Variants in BANP observed in about 807,000 individuals in gnomAD.
BANP encodes BTG3 associated nuclear protein, also known as protein BANP.
In BANP, 11 loss-of-function variants were observed where a neutral mutation model predicts 68.1. That is an observed-to-expected ratio of 0.16 (90% CI 0.10 to 0.27). The LOEUF is 0.27. Among genes scored for constraint, BANP ranks in the 10% least tolerant of loss-of-function variants. The pLI, the probability that BANP is intolerant of heterozygous loss-of-function variation, is 1.00. For missense variants in BANP, 504 were observed against 722.7 expected, an observed-to-expected ratio of 0.70 and a Z score of 3.47; for synonymous variants, 329 against 303.2, an observed-to-expected ratio of 1.09 and a Z score of -0.88.
At chr16:88,048,674 A>G (rs903361374) in intron 11 of BANP, among the ~76,000 whole-genome samples, 2 of 152,090 alleles carry the variant, frequency 1.3e-5, no homozygotes, top group South Asian at 2.1e-4. Context: ...TTGGTATTGA[A>G]TCGGCGCTCA....
At chr16:88,073,664 C>T (rs1295794721) in intron 13 of BANP, among the ~76,000 whole-genome samples, 2 of 152,274 alleles carry the variant, frequency 1.3e-5, no homozygotes, top group South Asian at 4.1e-4. Flanking sequence ...CAGCCCCTGC[C>T]GAGGACGCGT....
intron 7 of BANP, among the ~76,000 whole-genome samples, chr16:88,025,643 A>G (rs907081651): frequency 3.3e-5 from 5 of 152,208 alleles, no homozygotes; most frequent in African/African-American, 1.2e-4. Flanking sequence ...TCAAGTATCT[A>G]CTGATAAGAA....
At chr16:88,038,600 C>G (rs1233727115) in intron 11 of BANP, among the ~76,000 whole-genome samples, 1 of 152,132 alleles carries the variant, frequency 6.6e-6, no homozygotes, top group Non-Finnish European at 1.5e-5. Context: ...GTCAAACTCA[C>G]AAACTTGCCA....
At chr16:88,072,716 G>A (rs965121499) in intron 13 of BANP, among the ~76,000 whole-genome samples, 4 of 152,244 alleles carry the variant, frequency 2.6e-5, no homozygotes, top group East Asian at 1.9e-4. Flanking sequence ...AGAAGCCCCC[G>A]AGGGTGAGGC....
chr16:88,002,295 ATC>A lies in BANP; in HGVS notation c.363-1996_363-1995del, dbSNP rs1255967815. 3.3e-5 allele frequency among the ~76,000 whole-genome samples: 5 copies of A among 151,582 alleles called. No homozygotes were observed. The highest frequency in any genetic ancestry group is 1.2e-4 in the African/African-American group (5 of 41,240). On this transcript the variant is annotated intron_variant, in intron 4 of 13. Transcript: ENST00000682872. The surrounding 1 kb of genome is among the most constrained non-coding windows in gnomAD (Gnocchi z 4.6). ...CTGTCCTCAGAAACTGTTTTTGATG[ATC>A]TCTGTCTATTTTGTTGAAAGCAAAG...
upstream of BANP, chr16:87,949,594 C>T (rs2056619319): frequency 6.6e-6 from 1 of 152,198 alleles, no homozygotes; most frequent in Admixed American, 6.5e-5. Context: ...AGCTGATCTT[C>T]ATGTTGAAAA....
intron 4 of BANP, among the ~76,000 whole-genome samples, chr16:87,989,449 A>G (rs1341859060): frequency 6.6e-6 from 1 of 152,258 alleles, no homozygotes; most frequent in Non-Finnish European, 1.5e-5. Flanking sequence ...TTATATAGGT[A>G]AATGTTAACA....
rs770263334 is a variant in BANP at position 88,057,456 on chromosome 16, G to A, written c.1312-7811G>A. Among the ~76,000 whole-genome samples the A allele has an allele frequency of 6.6e-6, 1 of 152,020 alleles. No individual in the cohort carries two copies. The highest frequency in any genetic ancestry group is 1.5e-5 in the Non-Finnish European group (1 of 67,986). ...TGAGCCTTCTCCAGGGGGATGCCCT[G>A]GAGACTCTTGCGGTCCCCTCCACGT... On this transcript the variant is annotated intron_variant, in intron 11 of 13. Coordinates refer to ENST00000682872, the MANE Select transcript of BANP (RefSeq NM_001386991.1). The surrounding 1 kb of genome is among the most constrained non-coding windows in gnomAD (Gnocchi z 4.6).
In BANP at chr16:88,003,318, A is replaced by G. The variant is rs148957374; in HGVS notation, c.363-977A>G. ...TGGCGTGGTGCTGTGCTGGCACTCAATGTGGGGACAGTTACAGTGATACTA... is the reference window on the plus strand; with the variant it reads ...TGGCGTGGTGCTGTGCTGGCACTCAGTGTGGGGACAGTTACAGTGATACTA... On this transcript the variant is annotated intron_variant, in intron 4 of 13. Coordinates refer to ENST00000682872, the MANE Select transcript of BANP (RefSeq NM_001386991.1). The surrounding 1 kb of genome is among the most constrained non-coding windows in gnomAD (Gnocchi z 6.1). Among the ~76,000 whole-genome samples, 1 of 152,342 alleles carries G rather than the reference A, an allele frequency of 6.6e-6. No individual in the cohort carries two copies. The highest frequency in any genetic ancestry group is 1.9e-4 in the East Asian group (1 of 5,188).
At chr16:87,956,089 C>T (rs1385689982) in intron 1 of BANP, among the ~76,000 whole-genome samples, 1 of 152,084 alleles carries the variant, frequency 6.6e-6, no homozygotes, top group Non-Finnish European at 1.5e-5. Flanking sequence ...TCTTGCAGCT[C>T]CCCCGTCAGG....
chr16:88,015,293 TGTGCCCTCTGCCCGTGCCCCCTCAGCTC>T (rs1198813748), intron 6 of BANP, among the ~76,000 whole-genome samples: 11 of 146,090 alleles, frequency 7.5e-5, no homozygotes, highest in South Asian at 4.5e-4. Context: ...CCTCCCTGCC[TGTGCCCTCTGCCCGTGCCCCCTCAGCTC>T]GTGCCCTCTG....
chr16:87,950,167 G>A (rs1249453349), upstream of BANP, among the ~76,000 whole-genome samples: 1 of 152,202 alleles, frequency 6.6e-6, no homozygotes, highest in Non-Finnish European at 1.5e-5. Context: ...GTGAGCCGCC[G>A]CGCCCGGCCA....
intron 2 of BANP, among the ~76,000 whole-genome samples, chr16:87,976,291 G>C (rs1567635733): frequency 6.6e-6 from 1 of 152,128 alleles, no homozygotes; most frequent in Non-Finnish European, 1.5e-5. Flanking sequence ...TTGAGAACAA[G>C]TTTTTTCTAC....
At position 88,047,959 on chromosome 16, in the gene BANP, G is replaced by A. The variant is rs561009610; in HGVS notation, c.1311+9948G>A. Among the ~76,000 whole-genome samples the A allele has an allele frequency of 2.6e-5, 4 of 152,352 alleles. No individual in the cohort carries two copies. In the South Asian group the frequency reaches 8.3e-4, roughly 32 times the overall value. On this transcript the variant is annotated intron_variant, in intron 11 of 13. Coordinates refer to ENST00000682872, the MANE Select transcript of BANP (RefSeq NM_001386991.1). Reference sequence around the variant, plus strand: ...CAGGGTCCGCAAGGGCTTGGCCGAAGCAAACACTGGGACTTAGGGGGCTGT... The same window carrying A: ...CAGGGTCCGCAAGGGCTTGGCCGAAACAAACACTGGGACTTAGGGGGCTGT...
chr16:87,986,644 G>A (rs943263022), intron 4 of BANP, among the ~76,000 whole-genome samples: 21 of 152,214 alleles, frequency 1.4e-4, no homozygotes, highest in African/African-American at 4.8e-4. Flanking sequence ...GAGGGTAACA[G>A]TGTCTGTGCT....
At chr16:88,053,967 T>TACCACC (rs1567886932) in intron 11 of BANP, among the ~76,000 whole-genome samples, 1 of 50,946 alleles carries the variant, frequency 2.0e-5, no homozygotes, top group Admixed American at 1.8e-4. Context: ...TAACAGCCAC[T>TACCACC]CCCACCTCCT....
At chr16:87,982,409 T>C (rs1208889021) in intron 3 of BANP, among the ~76,000 whole-genome samples, 2 of 152,238 alleles carry the variant, frequency 1.3e-5, no homozygotes, top group African/African-American at 2.4e-5. Flanking sequence ...ATGGGTGTAC[T>C]GTGTAAAGAA....
intron 7 of BANP, among the ~76,000 whole-genome samples, chr16:88,021,279 C>T (rs1276274476): frequency 2.0e-5 from 3 of 152,204 alleles, no homozygotes; most frequent in Non-Finnish European, 4.4e-5. Flanking sequence ...GAGCACGGTC[C>T]CCTGGCAGGG....
At chr16:88,038,698 G>A (rs577132746) in intron 11 of BANP, among the ~76,000 whole-genome samples, 2 of 152,268 alleles carry the variant, frequency 1.3e-5, no homozygotes, top group South Asian at 4.2e-4. Context: ...CCGACGGTGC[G>A]GGTCCTGGGG....
Sources: allele counts gnomAD v4.1 joint callset (sites outside exome capture counted in the v4.1 genomes callset), GRCh38; gene constraint gnomAD v4.1.1; non-coding constraint Gnocchi (gnomAD v3.1); transcripts MANE v1.5; gene names NCBI Gene and HGNC (gene_info 2026-07-23, HGNC 2026-07-21).